DIP2A: variants seen among roughly 807,000 people sequenced by gnomAD.
DIP2A encodes the protein DIP2 acetate--CoA ligase A.
Under a neutral mutation model 177.4 loss-of-function variants are expected in DIP2A, and 85 were observed. That is an observed-to-expected ratio of 0.48 (90% CI 0.40 to 0.57). The LOEUF (loss-of-function observed/expected upper bound fraction) is 0.57, where lower values mean the gene tolerates loss of function less well. Ranked by LOEUF, DIP2A falls within the 20% of genes least tolerant of loss-of-function variation. The pLI is 0.00. For synonymous variants in DIP2A, 886 were observed against 881.8 expected (o/e 1.00, Z -0.08); for missense variants, 1,791 against 2,100.2 (o/e 0.85, Z 2.88).
intron 8 of DIP2A, among the ~76,000 whole-genome samples, chr21:46,528,527 C>CTTTTTT (rs1162872343): frequency 4.4e-4 from 13 of 29,398 alleles, no homozygotes; most frequent in East Asian, 3.1e-3. Flanking sequence ...TTTCTGCTTG[C>CTTTTTT]TTTTTTTTTT....
At chr21:46,460,951 C>T (rs1423108053) in intron 1 of DIP2A, among the ~76,000 whole-genome samples, 1 of 151,982 alleles carries the variant, frequency 6.6e-6, no homozygotes, top group Non-Finnish European at 1.5e-5. Context: ...GCCTCGGCCT[C>T]CCAAAGTGCT....
Position 46,545,889 on chromosome 21 carries a change from G to A in DIP2A, c.2322G>A (p.Pro774=), listed in dbSNP as rs771225967. ...GITKNVFEAV[P]VTTGGAPIFD... is the part of the protein sequence containing the mutation. ...CTCTCCACTTTGTGCAGGCAGTTCC[G>A]GTCACCACAGGAGGAGCACCCATCT... Residue 774 remains proline (P), a synonymous_variant, in exon 20 of 38, where the codon CCG becomes CCA. Coordinates refer to ENST00000417564, the MANE Select transcript of DIP2A (RefSeq NM_015151.4). 26 of 1,613,680 alleles carry A rather than the reference G, an allele frequency of 1.6e-5. No homozygotes were observed. The Admixed American group carries it at 1.8e-4, about 11-fold the overall frequency.
intron 23 of DIP2A, 111 bp from the exon 24 acceptor site, chr21:46,551,523 G>GT: frequency 2.2e-6 from 2 of 908,106 alleles, no homozygotes. Flanking sequence ...CAGTAGAAGA[G>GT]TTAAATGCCT....
rs376861315 is a variant in DIP2A, at chr21:46,511,595, C to T, written c.1083C>T (p.Ala361=). 3.3e-4 allele frequency: 516 copies of T among 1,548,146 alleles called. No homozygotes were observed. Among genetic ancestry groups the T allele is most frequent in the Non-Finnish European group, 4.2e-4 (484 of 1,150,786 alleles). The change falls in exon 8 of 38, where the codon GCC becomes GCT. Residue 361 remains alanine, a synonymous_variant. Transcript: ENST00000417564. ...CTGCCTTGGATACAACTGGGAAAGCCGTCTACACTCTCACCTATGGCAAGT... is the reference window on the plus strand; with the variant it reads ...CTGCCTTGGATACAACTGGGAAAGCTGTCTACACTCTCACCTATGGCAAGT... ...CLTALDTTGK[A]VYTLTYGKLW...
chr21:46,498,444 C>G lies in DIP2A; in HGVS notation c.404-138C>G. The G allele has an allele frequency of 1.9e-6, 2 of 1,039,464 alleles. No individual in the cohort carries two copies. The highest frequency in any genetic ancestry group is 2.8e-6 in the Non-Finnish European group (2 of 712,610). The allele number at this position is 1,039,464 out of a possible 1,614,324, so 64.4% of individuals were successfully genotyped here. A position where few individuals can be genotyped will look rare whatever the true frequency, so the allele number is the denominator to read the frequency against. ...TTGAGGGTGACCTTTGAGCTGACTG[C>G]GTGGCTTTGGGCAGAGCTGTGCCAG... On this transcript the variant is annotated intron_variant, in intron 4 of 37. Coordinates refer to ENST00000417564, the MANE Select transcript of DIP2A (RefSeq NM_015151.4). The surrounding 1 kb of genome is among the most constrained non-coding windows in gnomAD (Gnocchi z 4.3).
intron 5 of DIP2A, among the ~76,000 whole-genome samples, chr21:46,502,805 C>T (rs1446920549): frequency 6.6e-6 from 1 of 152,054 alleles, no homozygotes; most frequent in African/African-American, 2.4e-5. Flanking sequence ...TGGTAGAACA[C>T]AATTTCTATA....
chr21:46,490,901 AC>A, intron 3 of DIP2A, among the ~76,000 whole-genome samples, 182 bp downstream of exon 3: 1 of 152,296 alleles, frequency 6.6e-6, no homozygotes, highest in South Asian at 2.1e-4. Context: ...TCACGTAACC[AC>A]AGTCTGTTTT....
chr21:46,504,691 T>C (rs1442519064), intron 6 of DIP2A, among the ~76,000 whole-genome samples: 1 of 152,180 alleles, frequency 6.6e-6, no homozygotes, highest in African/African-American at 2.4e-5. Context: ...ATCAATGGAA[T>C]TGGTCAGAGG....
At position 46,567,684 on chromosome 21, in the gene DIP2A, G is replaced by T; in HGVS notation, c.*62G>T. ...GCCCCAGCAGTCCAAGGTGTGATGT[G>T]GGAAGACACCGCAGAGCTCACTCAC... On this transcript the variant is annotated 3_prime_UTR_variant, in exon 38 of 38. Coordinates refer to ENST00000417564, the MANE Select transcript of DIP2A (RefSeq NM_015151.4). 6.5e-7 allele frequency: 1 copy of T among 1,529,584 alleles called. No homozygotes were observed. The highest frequency in any genetic ancestry group is 8.8e-7 in the Non-Finnish European group (1 of 1,138,088). The allele number at this position is 1,529,584 out of a possible 1,614,324, so 94.8% of individuals were successfully genotyped here.
Position 46,463,808 on chromosome 21 carries a change from A to G in DIP2A, c.91+4586A>G, listed in dbSNP as rs113754550. Among the ~76,000 whole-genome samples the G allele has an allele frequency of 6.3e-3, 963 of 151,676 alleles. 13 individuals carry two copies. Among genetic ancestry groups the G allele is most frequent in the African/African-American group, 0.022 (921 of 41,358 alleles). The stretch of plus-strand genomic sequence containing the variant: ...ACTGCAGCCTCCACCTCCCGGGTTC[A>G]AGCAATTGTCCTGTCTTAGCCTCCT... On this transcript the variant is annotated intron_variant, in intron 1 of 37. Transcript: ENST00000417564.
intron 17 of DIP2A, among the ~76,000 whole-genome samples, chr21:46,540,316 C>T (rs1030228994): frequency 3.3e-5 from 5 of 152,094 alleles, no homozygotes; most frequent in African/African-American, 1.2e-4. Context: ...AGGCAGGTGT[C>T]GGTCAGCCGT....
At position 46,511,557 on chromosome 21, in the gene DIP2A, T is replaced by C. The variant is rs1284742830; in HGVS notation, c.1045T>C (p.Ser349Pro). 6.3e-7 allele frequency: 1 copy of C among 1,593,614 alleles called. No homozygotes were observed. Among genetic ancestry groups the C allele is most frequent in the Non-Finnish European group, 8.5e-7 (1 of 1,170,772 alleles). ...LQRWGTTQPK[S>P]PCLTALDTTG... ...GCGCTGGGGCACAACACAGCCCAAATCCCCCTGTCTGACTGCCTTGGATAC... is the reference window on the plus strand; with the variant it reads ...GCGCTGGGGCACAACACAGCCCAAACCCCCCTGTCTGACTGCCTTGGATAC... Residue 349 changes from serine (S) to proline (P), a missense_variant, in exon 8 of 38, where the codon TCC becomes CCC. Ser to Pro is a moderately conservative substitution (Grantham distance 74). Coordinates refer to ENST00000417564, the MANE Select transcript of DIP2A (RefSeq NM_015151.4).
intron 5 of DIP2A, among the ~76,000 whole-genome samples, chr21:46,502,598 C>T (rs1346524380): frequency 6.6e-6 from 1 of 151,934 alleles, no homozygotes; most frequent in Non-Finnish European, 1.5e-5. Context: ...CAGGCATGCA[C>T]CACCACGCCT....
Position 46,509,245 on chromosome 21 carries a change from TTCCCGTGACAGGTG to T in DIP2A, c.785-7_791del. 6.2e-7 allele frequency: 1 copy of T among 1,609,736 alleles called. No homozygotes were observed. Among genetic ancestry groups the T allele is most frequent in the Non-Finnish European group, 8.5e-7 (1 of 1,178,116 alleles). On this transcript the variant is annotated splice_acceptor_variant and splice_polypyrimidine_tract_variant and coding_sequence_variant and intron_variant, in exon 7 of 38. Transcript: ENST00000417564. LOFTEE classifies it high-confidence loss of function. ...TCCTGGCCTCAGTGCTCCTCTGTCCTTCCCGTGACAGGTGTCCCTGTGAACAGCAGAGTGTCCTC... is the reference window on the plus strand; with the variant it reads ...TCCTGGCCTCAGTGCTCCTCTGTCCTTCCCTGTGAACAGCAGAGTGTCCTC...
At chr21:46,560,256 T>C (rs2060619624) in intron 32 of DIP2A, among the ~76,000 whole-genome samples, 1 of 152,266 alleles carries the variant, frequency 6.6e-6, no homozygotes, top group Admixed American at 6.5e-5. Flanking sequence ...ACTGTAAGAT[T>C]CAGAAAGGAA....
At chr21:46,552,565 G>A (rs1406086224) in intron 25 of DIP2A, among the ~76,000 whole-genome samples, 1 of 152,188 alleles carries the variant, frequency 6.6e-6, no homozygotes, top group African/African-American at 2.4e-5. Context: ...GAACTCTTAA[G>A]CTTTGGTGTC....
chr21:46,567,662 C>T lies in DIP2A; in HGVS notation c.*40C>T, dbSNP rs770420809. The T allele has an allele frequency of 1.0e-5, 16 of 1,550,960 alleles. No homozygotes were observed. The highest frequency in any genetic ancestry group is 1.9e-5 in the Admixed American group (1 of 53,836). ...CCCAGGTGCCGGAGATGAATGAGCC[C>T]CAGCAGTCCAAGGTGTGATGTGGGA... On this transcript the variant is annotated 3_prime_UTR_variant, in exon 38 of 38. Transcript: ENST00000417564.
At chr21:46,581,241 T>C in the DIP2A span, among the ~76,000 whole-genome samples, 1 of 152,252 alleles carries the variant, frequency 6.6e-6, no homozygotes, top group African/African-American at 2.4e-5. Flanking sequence ...TATTTGGCTA[T>C]TGATATTTGT....
intron 26 of DIP2A, 117 bp downstream of exon 26, chr21:46,554,409 T>G: frequency 6.4e-7 from 1 of 1,551,586 alleles, no homozygotes; most frequent in Non-Finnish European, 8.7e-7. Context: ...CAGCCCCTCC[T>G]CTCTGCATGT....
Sources: gnomAD v4.1 joint callset for allele counts (sites outside exome capture counted in the v4.1 genomes callset) on GRCh38, gnomAD v4.1.1 for gene constraint, Gnocchi (gnomAD v3.1) non-coding constraint, MANE v1.5 for transcripts, NCBI Gene and HGNC (gene_info 2026-07-23, HGNC 2026-07-21) for gene names.